FHIP1A: variants seen among roughly 807,000 people sequenced by gnomAD.
FHIP1A encodes the protein FHF complex subunit HOOK interacting protein 1A.
Under a neutral mutation model 88.6 loss-of-function variants are expected in FHIP1A, and 61 were observed. The ratio of observed to expected loss-of-function variants is 0.69; its 90% CI spans 0.56 to 0.85. The LOEUF (loss-of-function observed/expected upper bound fraction) is 0.85, where lower values mean the gene tolerates loss of function less well. Among genes scored for constraint, FHIP1A ranks in the 40% least tolerant of loss-of-function variants. FHIP1A has a pLI of 0.00. For missense variants in FHIP1A, 1,154 were observed against 1,273.5 expected, an observed-to-expected ratio of 0.91 and a Z score of 1.43; for synonymous variants, 478 against 496.0, an observed-to-expected ratio of 0.96 and a Z score of 0.48.
At chr4:151,634,099 C>T (rs555820051) in intron 8 of FHIP1A, among the ~76,000 whole-genome samples, 21 of 151,720 alleles carry the variant, frequency 1.4e-4, no homozygotes, top group South Asian at 8.3e-4. Flanking sequence ...ACAAAGTCAA[C>T]GCACATAAGT....
Position 151,650,237 on chromosome 4 carries a change from C to T in FHIP1A, c.2196C>T (p.Ala732=), listed in dbSNP as rs1477617115. 6.4e-7 allele frequency: 1 copy of T among 1,551,724 alleles called. No individual in the cohort carries two copies. Among genetic ancestry groups the T allele is most frequent in the Middle Eastern group, 1.7e-4 (1 of 5,992 alleles). The stretch of plus-strand genomic sequence containing the variant: ...CCAACTCAGAGTTAGCATCCCCTGC[C>T]CCTGAGGCAGAGCACAGCTCTAACC... The part of the protein sequence containing the change: ...PESNSELASP[A]PEAEHSSNLT... Residue 732 remains alanine, a synonymous_variant, in exon 11 of 14, where the codon GCC becomes GCT. Transcript: ENST00000435205.
chr4:151,435,424 A>G lies in FHIP1A; in HGVS notation c.-355-19277A>G, dbSNP rs539347924. Among the ~76,000 whole-genome samples the G allele has an allele frequency of 3.3e-5, 5 of 152,326 alleles. No homozygotes were observed. In the East Asian group the frequency reaches 7.7e-4, roughly 23 times the overall value. Reference sequence around the variant, plus strand: ...AAAATTATCAAATAATTAAAGGGGTATCTGTGATGACTGGATTTGCCCTAT... The same window carrying G: ...AAAATTATCAAATAATTAAAGGGGTGTCTGTGATGACTGGATTTGCCCTAT... On this transcript the variant is annotated intron_variant, in intron 1 of 13. Coordinates refer to ENST00000435205, the MANE Select transcript of FHIP1A (RefSeq NM_001109977.3).
Position 151,443,685 on chromosome 4 carries a change from C to CTGTGTGTGTGTGTGTGTGTGTGTGTG in FHIP1A, c.-355-11002_-355-10977dup, listed in dbSNP as rs57147339. 2.7e-4 allele frequency among the ~76,000 whole-genome samples: 33 copies of CTGTGTGTGTGTGTGTGTGTGTGTGTG among 122,104 alleles called. 1 individual carries two copies. Among genetic ancestry groups the CTGTGTGTGTGTGTGTGTGTGTGTGTG allele is most frequent in the East Asian group, 4.6e-4 (2 of 4,322 alleles). 80.1% of individuals were successfully genotyped at this position (122,104 alleles called of 152,430 possible). On this transcript the variant is annotated intron_variant, in intron 1 of 13. Coordinates refer to ENST00000435205, the MANE Select transcript of FHIP1A (RefSeq NM_001109977.3). ...GAGTGAGAATTCTAAATGAAGCACT[C>CTGTGTGTGTGTGTGTGTGTGTGTGTG]TGTGTGTGTGTGTGTGTGTGTGTGT...
intron 3 of FHIP1A, among the ~76,000 whole-genome samples, chr4:151,491,138 A>C (rs1730267385): frequency 6.6e-6 from 1 of 152,200 alleles, no homozygotes; most frequent in African/African-American, 2.4e-5. Flanking sequence ...AGAAGCTCAA[A>C]GAACATCTGG....
At position 151,580,596 on chromosome 4, in the gene FHIP1A, A is replaced by T. The variant is rs1020955939; in HGVS notation, c.732+2520A>T. ...AAACTGAATATTTGCCTACTGTGTG[A>T]TCCTGCAACTTCCCTTCTAGATATC... On this transcript the variant is annotated intron_variant, in intron 5 of 13. Transcript: ENST00000435205. 3.3e-5 allele frequency among the ~76,000 whole-genome samples: 5 copies of T among 152,220 alleles called. No individual in the cohort carries two copies. In the East Asian group the frequency reaches 9.6e-4, roughly 29 times the overall value.
Position 151,488,836 on chromosome 4 carries a change from A to G in FHIP1A, c.-123+6188A>G, listed in dbSNP as rs116892008. Among the ~76,000 whole-genome samples, 59 of 152,370 alleles carry G rather than the reference A, an allele frequency of 3.9e-4. No homozygotes were observed. In the East Asian group the frequency reaches 9.3e-3, roughly 24 times the overall value. On this transcript the variant is annotated intron_variant, in intron 3 of 13. Coordinates refer to ENST00000435205, the MANE Select transcript of FHIP1A (RefSeq NM_001109977.3). Reference sequence around the variant, plus strand: ...TATTGATCATATGAAAGGACAAATGAATATTTAAATGAGCCAACTGATTTC... The same window carrying G: ...TATTGATCATATGAAAGGACAAATGGATATTTAAATGAGCCAACTGATTTC...
chr4:151,539,084 C>G (rs550008384), intron 3 of FHIP1A, among the ~76,000 whole-genome samples: 1 of 152,274 alleles, frequency 6.6e-6, no homozygotes, highest in African/African-American at 2.4e-5. Flanking sequence ...TAACCTTAGG[C>G]TATATAGATA....
chr4:151,662,771 T>TA lies in FHIP1A; in HGVS notation c.*19dup, dbSNP rs1553964298. 22 of 1,456,524 alleles carry TA rather than the reference T, an allele frequency of 1.5e-5. No homozygotes were observed. The highest frequency in any genetic ancestry group is 5.1e-5 in the East Asian group (2 of 39,422). 90.2% of individuals were successfully genotyped at this position (1,456,524 alleles called of 1,614,324 possible). A position where few individuals can be genotyped will look rare whatever the true frequency, so the allele number is the denominator to read the frequency against. On this transcript the variant is annotated 3_prime_UTR_variant, in exon 14 of 14. Transcript: ENST00000435205. Reference sequence around the variant, plus strand: ...TGCTGTTAGCTTTTTTTTTTTTTTTTAATAGAGGTTCTTGTTTTGTAAGGT... The same window carrying TA: ...TGCTGTTAGCTTTTTTTTTTTTTTTTAAATAGAGGTTCTTGTTTTGTAAGGT...
intron 7 of FHIP1A, among the ~76,000 whole-genome samples, chr4:151,597,975 G>T (rs950518096): frequency 2.0e-5 from 3 of 152,162 alleles, no homozygotes; most frequent in Non-Finnish European, 4.4e-5. Context: ...CTCCATGGGG[G>T]TGGGATCTGC....
chr4:151,630,759 C>T (rs1736128976), intron 8 of FHIP1A, among the ~76,000 whole-genome samples: 1 of 152,170 alleles, frequency 6.6e-6, no homozygotes, highest in African/African-American at 2.4e-5. Flanking sequence ...ATGTGCTAGG[C>T]CATATAACAA....
At chr4:151,632,898 C>A (rs1736209004) in intron 8 of FHIP1A, among the ~76,000 whole-genome samples, 1 of 151,858 alleles carries the variant, frequency 6.6e-6, no homozygotes, top group Non-Finnish European at 1.5e-5. Context: ...AACAACCTAA[C>A]TATACATCTT....
chr4:151,418,204 A>T (rs1732972200), intron 1 of FHIP1A, among the ~76,000 whole-genome samples: 1 of 150,112 alleles, frequency 6.7e-6, no homozygotes, highest in Admixed American at 6.7e-5. Context: ...AACAAGAGAA[A>T]CTCTGACAAC....
chr4:151,500,312 A>G lies in FHIP1A; in HGVS notation c.-123+17664A>G, dbSNP rs73861848. 7.9e-3 allele frequency among the ~76,000 whole-genome samples: 1,200 copies of G among 152,280 alleles called. 10 individuals are homozygous for G. The highest frequency in any genetic ancestry group is 0.028 in the African/African-American group (1,152 of 41,550). Reference sequence around the variant, plus strand: ...GACCATTTAGGTGTCCTGGCAACTCAATAAAAGAAGGCAACTATCTGTTAA... The same window carrying G: ...GACCATTTAGGTGTCCTGGCAACTCGATAAAAGAAGGCAACTATCTGTTAA... On this transcript the variant is annotated intron_variant, in intron 3 of 13. Transcript: ENST00000435205.
Position 151,650,135 on chromosome 4 carries a change from T to C in FHIP1A, c.2094T>C (p.Asn698=). The change falls in exon 11 of 14, where the codon AAT becomes AAC. Residue 698 remains asparagine (N), a synonymous_variant. Transcript: ENST00000435205. ...AGACAGATTCAGAGGAGGAGTGGAA[T>C]AGGGACAATTCAGACCCGTTTCACA... ...QPETDSEEEW[N]RDNSDPFHSE... 6.4e-7 allele frequency: 1 copy of C among 1,551,612 alleles called. No individual in the cohort carries two copies. The highest frequency in any genetic ancestry group is 8.7e-7 in the Non-Finnish European group (1 of 1,146,968).
At position 151,586,793 on chromosome 4, in the gene FHIP1A, C is replaced by A. The variant is rs1426998504; in HGVS notation, c.885C>A (p.Val295=). ...ACTCCCTGGAGTTTTGCAATGCAGT[C>A]ATACAGGTACCAGAGCACAATAAAG... The part of the protein sequence containing the change: ...FMNSLEFCNA[V]IQVAHPLIRN... Residue 295 remains valine (V), a synonymous_variant, in exon 6 of 14, where the codon GTC becomes GTA. Coordinates refer to ENST00000435205, the MANE Select transcript of FHIP1A (RefSeq NM_001109977.3). 1 of 1,547,870 alleles carries A rather than the reference C, an allele frequency of 6.5e-7. No individual in the cohort carries two copies. Among genetic ancestry groups the A allele is most frequent in the South Asian group, 1.2e-5 (1 of 83,728 alleles).
chr4:151,628,241 G>A (rs563290452), intron 7 of FHIP1A, among the ~76,000 whole-genome samples: 35 of 152,254 alleles, frequency 2.3e-4, no homozygotes, highest in African/African-American at 6.5e-4. Context: ...ATGACTTCTC[G>A]TTAGATACTA....
At chr4:151,559,825 T>C (rs1733101833) in intron 3 of FHIP1A, among the ~76,000 whole-genome samples, 1 of 152,184 alleles carries the variant, frequency 6.6e-6, no homozygotes, top group African/African-American at 2.4e-5. Flanking sequence ...CTCCATGATA[T>C]CTGTGTGACT....
rs574773472 is a variant in FHIP1A at position 151,457,131 on chromosome 4, C to CT, written c.-248+2329dup. Among the ~76,000 whole-genome samples the CT allele has an allele frequency of 9.9e-5, 15 of 152,074 alleles. 1 individual carries two copies. In the South Asian group the frequency reaches 2.3e-3, roughly 23 times the overall value. On this transcript the variant is annotated intron_variant, in intron 2 of 13. Transcript: ENST00000435205. ...AGGTAAATATGGTCTTGTAGTGGGG[C>CT]TTTTTTGGTAATTTTAACAGTTTTT... is the stretch of plus-strand genomic sequence containing the variant.
chr4:151,554,792 T>C (rs1479511351), intron 3 of FHIP1A, among the ~76,000 whole-genome samples: 1 of 152,216 alleles, frequency 6.6e-6, no homozygotes, highest in Non-Finnish European at 1.5e-5. Flanking sequence ...CTTTTTATAC[T>C]TTTGCAACCA....
Sources: allele counts gnomAD v4.1 joint callset (sites outside exome capture counted in the v4.1 genomes callset), GRCh38; gene constraint gnomAD v4.1.1; transcripts MANE v1.5; gene names NCBI Gene and HGNC (gene_info 2026-07-23, HGNC 2026-07-21).